NACA: variants seen among roughly 807,000 people sequenced by gnomAD.
NACA encodes the protein nascent polypeptide-associated complex subunit alpha.
NACA carries 42 observed loss-of-function variants against 86.4 expected under a neutral mutation model. The ratio of observed to expected loss-of-function variants is 0.49; its 90% CI spans 0.38 to 0.63. NACA has a LOEUF of 0.63. Ranked by LOEUF, NACA falls within the 20% of genes least tolerant of loss-of-function variation. The pLI is 0.00. For synonymous variants in NACA, 898 were observed against 973.7 expected, an observed-to-expected ratio of 0.92 and a Z score of 1.45; for missense variants, 2,157 against 2,483.6, an observed-to-expected ratio of 0.87 and a Z score of 2.80.
rs746083220 is a variant in NACA at position 56,716,901 on chromosome 12, G to A, written c.4629C>T (p.Ala1543=). 3.5e-5 allele frequency: 46 copies of A among 1,317,788 alleles called. No individual in the cohort carries two copies. In the East Asian group the frequency reaches 1.5e-3, roughly 42 times the overall value. 81.6% of individuals were successfully genotyped at this position (1,317,788 alleles called of 1,614,324 possible). ...CTGGGGGAATGAGGGCCTCTTTGGG[G>A]GCTAGAGTTGCTGGGGTCTTTTTAG... ...LLSKKTPATL[A]PKEALIPPAM... Residue 1543 remains alanine (A), a synonymous_variant, in exon 3 of 9, where the codon GCC becomes GCT. Coordinates refer to ENST00000454682, the MANE Select transcript of NACA (RefSeq NM_001365896.1).
intron 5 of NACA, 53 bp from the exon 6 acceptor site, chr12:56,713,736 A>AG: frequency 6.4e-7 from 1 of 1,554,640 alleles, no homozygotes; most frequent in Non-Finnish European, 8.8e-7. Context: ...AGCAGCCTAA[A>AG]GAAGCAAGGA....
chr12:56,724,221 A>G (rs1352238553), intron 2 of NACA, among the ~76,000 whole-genome samples: 1 of 152,208 alleles, frequency 6.6e-6, no homozygotes, highest in Non-Finnish European at 1.5e-5. Flanking sequence ...GGCGACAGGC[A>G]TAACATAGAA....
intron 2 of NACA, among the ~76,000 whole-genome samples, chr12:56,723,693 T>C (rs117279942): frequency 0.016 from 2,454 of 152,278 alleles, 43 homozygotes; most frequent in South Asian, 0.05. Context: ...AAGGTGAGAA[T>C]GAAAATTACA....
Position 56,721,406 on chromosome 12 carries a change from C to A in NACA, c.124G>T (p.Gly42Ter). 6.4e-7 allele frequency: 1 copy of A among 1,555,222 alleles called. No individual in the cohort carries two copies. The highest frequency in any genetic ancestry group is 8.6e-7 in the Non-Finnish European group (1 of 1,156,494). The change falls in exon 3 of 9, where the codon GGA (glycine) becomes TGA (stop). Residue 42 changes from glycine to a stop codon, truncating the protein, a stop_gained. Transcript: ENST00000454682. LOFTEE classifies it high-confidence loss of function. ...GAGCAAGGAGGGGGGAGGGTAGGTC[C>A]AGGCTGCCCTAAGGCAGCAGTGACA... Reference protein sequence around the residue: ...LSVTAALGQPGPTLPPPCSPA... With the variant: ...LSVTAALGQP
chr12:56,724,915 G>A, intron 1 of NACA: 2 of 210,472 alleles, frequency 9.5e-6, no homozygotes, highest in South Asian at 1.3e-4. Flanking sequence ...ACACTTGCTT[G>A]TCACAGGGAG....
rs763414873 is a variant in NACA at position 56,713,618 on chromosome 12, C to T, written c.5889G>A (p.Lys1963=). 3.7e-6 allele frequency: 6 copies of T among 1,613,968 alleles called. No homozygotes were observed. In the South Asian group the frequency reaches 5.5e-5, roughly 15 times the overall value. Residue 1963 remains lysine, a synonymous_variant, in exon 6 of 9, where the codon AAG becomes AAA. Transcript: ENST00000454682. ...GVTRVTIRKS[K]NILFVITKPD... Reference sequence around the variant, plus strand: ...GTTTTGTGATGACAAAGAGGATATTCTTAGATTTCCGGATAGTGACTCTAG... The same window carrying T: ...GTTTTGTGATGACAAAGAGGATATTTTTAGATTTCCGGATAGTGACTCTAG...
chr12:56,715,976 C>A lies in NACA; in HGVS notation c.5554G>T (p.Gly1852Ter). 6.4e-7 allele frequency: 1 copy of A among 1,570,816 alleles called. No individual in the cohort carries two copies. The highest frequency in any genetic ancestry group is 8.6e-7 in the Non-Finnish European group (1 of 1,156,798). The part of the protein sequence containing the change: ...PLIPPEPISG[G>*]VPFQSVLVNM... ...ACGAGGACCGACTGGAAAGGCACTC[C>A]CCCAGAGATTGGTTCCGGGGGAATC... Residue 1852 changes from glycine to a stop codon, truncating the protein, a stop_gained, in exon 3 of 9, where the codon GGA becomes TGA. Coordinates refer to ENST00000454682, the MANE Select transcript of NACA (RefSeq NM_001365896.1). LOFTEE classifies it high-confidence loss of function.
Position 56,721,335 on chromosome 12 carries a change from G to C in NACA, c.195C>G (p.Ser65=). 6.2e-7 allele frequency: 1 copy of C among 1,610,558 alleles called. No homozygotes were observed. The highest frequency in any genetic ancestry group is 8.5e-7 in the Non-Finnish European group (1 of 1,178,578). The change falls in exon 3 of 9, where the codon TCC becomes TCG. Residue 65 remains serine, a synonymous_variant. Transcript: ENST00000454682. ...CAATAGTAGAGGGGGAAGGGAATGG[G>C]GAAGCCTGGTTAGCAGCTGAGAGAG... is the stretch of plus-strand genomic sequence containing the variant. ...QCPLSAANQA[S]PFPSPSTIAS...
At chr12:56,713,461 A>G (rs1565891301) in intron 6 of NACA, 76 bp downstream of exon 6, 1 of 1,537,260 alleles carries the variant, frequency 6.5e-7, no homozygotes, top group Non-Finnish European at 8.9e-7. Flanking sequence ...ACAGAGAACT[A>G]TCTGACGCAA....
At chr12:56,725,236 G>C (rs537461198) in intron 1 of NACA, 27 bp downstream of exon 1, 1 of 152,718 alleles carries the variant, frequency 6.5e-6, no homozygotes, top group South Asian at 2.1e-4. Flanking sequence ...GCTGCGGATA[G>C]ACAGTAGCGG....
At position 56,721,365 on chromosome 12, in the gene NACA, C is replaced by T. The variant is rs1407283732; in HGVS notation, c.165G>A (p.Gln55=). ...LPPPCSPAPQ[Q]CPLSAANQAS... is the part of the protein sequence containing the mutation. ...CCTGGTTAGCAGCTGAGAGAGGGCACTGTTGTGGGGCAGGAGAGCAAGGAG... is the reference window on the plus strand; with the variant it reads ...CCTGGTTAGCAGCTGAGAGAGGGCATTGTTGTGGGGCAGGAGAGCAAGGAG... The change falls in exon 3 of 9, where the codon CAG becomes CAA. Residue 55 remains glutamine, a synonymous_variant. Coordinates refer to ENST00000454682, the MANE Select transcript of NACA (RefSeq NM_001365896.1). 1 of 1,599,452 alleles carries T rather than the reference C, an allele frequency of 6.3e-7. No homozygotes were observed. Among genetic ancestry groups the T allele is most frequent in the African/African-American group, 1.4e-5 (1 of 73,692 alleles).
intron 3 of NACA, among the ~76,000 whole-genome samples, chr12:56,715,366 C>T (rs1418274588): frequency 6.6e-6 from 1 of 152,140 alleles, no homozygotes; most frequent in African/African-American, 2.4e-5. Flanking sequence ...ACACCTGCAC[C>T]ATTTTCAGGC....
intron 5 of NACA, 116 bp downstream of exon 5, chr12:56,714,246 G>A: frequency 9.7e-7 from 1 of 1,027,980 alleles, no homozygotes; most frequent in Non-Finnish European, 1.4e-6. Flanking sequence ...ATCACCACTA[G>A]AGAACTTACT....
chr12:56,717,435 GGAGGATGGAGTAGTTGGGCCTCCTTTA>G lies in NACA; in HGVS notation c.4068_4094del (p.Gly1358_Lys1366del). ...CAGCTGGGGGAGTGGGGCCCTCTTTGGAGGATGGAGTAGTTGGGCCTCCTTTAGAGGAGGGAGTTGTAGCTGGGAGAG... is the reference window on the plus strand; with the variant it reads ...CAGCTGGGGGAGTGGGGCCCTCTTTGGAGGAGGGAGTTGTAGCTGGGAGAG... On this transcript the variant is annotated inframe_deletion, in exon 3 of 9. Transcript: ENST00000454682. 1 of 1,391,030 alleles carries G rather than the reference GGAGGATGGAGTAGTTGGGCCTCCTTTA, an allele frequency of 7.2e-7. No individual in the cohort carries two copies. The highest frequency in any genetic ancestry group is 9.6e-7 in the Non-Finnish European group (1 of 1,046,474). The allele number at this position is 1,391,030 out of a possible 1,614,324, so 86.2% of individuals were successfully genotyped here.
At chr12:56,723,088 T>C (rs953074784) in intron 2 of NACA, among the ~76,000 whole-genome samples, 1 of 152,190 alleles carries the variant, frequency 6.6e-6, no homozygotes, top group South Asian at 2.1e-4. Context: ...AAACATGGAA[T>C]ATGTTTTCTT....
rs1953492346 is a variant in NACA at position 56,719,051 on chromosome 12, G to A, written c.2479C>T (p.Pro827Ser). Residue 827 changes from proline to serine, a missense_variant, in exon 3 of 9, where the codon CCT becomes TCT. Coordinates refer to ENST00000454682, the MANE Select transcript of NACA (RefSeq NM_001365896.1). ...AATGAAGCTTCAACTGGAGAAACAG[G>A]GGATGAGAGATTTCCAATAGGAGTA... ...PDTPIGNLSS[P>S]VSPVEASFLP... 6.9e-7 allele frequency: 1 copy of A among 1,448,662 alleles called. No individual in the cohort carries two copies. The highest frequency in any genetic ancestry group is 1.1e-5 in the South Asian group (1 of 88,716). 89.7% of individuals were successfully genotyped at this position (1,448,662 alleles called of 1,614,324 possible).
Position 56,720,830 on chromosome 12 carries a change from T to A in NACA, c.700A>T (p.Thr234Ser). ...QSGVASLPQT[T>S]PTTTLAIASP... ...GCGATGGCTAGGGTAGTTGTGGGTGTTGTCTGAGGAAGGGAGGCCACTCCA... is the reference window on the plus strand; with the variant it reads ...GCGATGGCTAGGGTAGTTGTGGGTGATGTCTGAGGAAGGGAGGCCACTCCA... The change falls in exon 3 of 9, where the codon ACA becomes TCA. Residue 234 changes from threonine (T) to serine (S), a missense_variant. Transcript: ENST00000454682. 1.9e-6 allele frequency: 3 copies of A among 1,613,924 alleles called. No homozygotes were observed. The highest frequency in any genetic ancestry group is 2.5e-6 in the Non-Finnish European group (3 of 1,179,872).
intron 3 of NACA, among the ~76,000 whole-genome samples, chr12:56,715,235 A>G (rs1953319578): frequency 6.6e-6 from 1 of 152,204 alleles, no homozygotes; most frequent in Non-Finnish European, 1.5e-5. Flanking sequence ...TCTAATCAAT[A>G]TAATTAGAAG....
Position 56,720,373 on chromosome 12 carries a change from G to A in NACA, c.1157C>T (p.Ser386Phe), listed in dbSNP as rs185924864. The A allele has an allele frequency of 4.7e-5, 76 of 1,613,952 alleles. No homozygotes were observed. The African/African-American group carries it at 9.7e-4, about 21-fold the overall frequency. ...VVAPSVDKGPSTISSITCSPS... is the reference protein window; with the variant it reads ...VVAPSVDKGPFTISSITCSPS... ...GCTGCAGGTTATGCTAGAGATGGTA[G>A]AGGGACCTTTGTCAACAGATGGAGC... The change falls in exon 3 of 9, where the codon TCT (serine) becomes TTT (phenylalanine). Residue 386 changes from serine (S) to phenylalanine (F), a missense_variant. Physicochemically the swap from Ser to Phe is radical, Grantham distance 155. Around this residue, in one of 8 missense-constraint regions of NACA, gnomAD observed 947 missense variants for 917.9 expected, o/e 1.03. Transcript: ENST00000454682.
Sources: allele counts gnomAD v4.1 joint callset (sites outside exome capture counted in the v4.1 genomes callset), GRCh38; gene constraint gnomAD v4.1.1; regional missense constraint gnomAD v4.1.1; transcripts MANE v1.5; gene names NCBI Gene and HGNC (gene_info 2026-07-23, HGNC 2026-07-21).